Variants in SLC28A1 observed in about 807,000 individuals in gnomAD.
The protein encoded by SLC28A1 is solute carrier family 28 member 1, also known as sodium/nucleoside cotransporter 1.
SLC28A1 carries 64 observed loss-of-function variants against 74.8 expected under a neutral mutation model. That is an observed-to-expected ratio of 0.86 (90% confidence interval 0.70 to 1.05). The LOEUF (loss-of-function observed/expected upper bound fraction) is 1.05. Ranked by LOEUF, SLC28A1 falls within the 50% of genes least tolerant of loss-of-function variation. The pLI is 0.00. For synonymous variants in SLC28A1, 359 were observed against 335.0 expected (o/e 1.07, Z -0.78); for missense variants, 828 against 822.8 (o/e 1.01, Z -0.08).
downstream of SLC28A1, among the ~76,000 whole-genome samples, chr15:84,948,926 C>T (rs1355726641): frequency 6.6e-6 from 1 of 152,154 alleles, no homozygotes; most frequent in African/African-American, 2.4e-5. Flanking sequence ...CCAGTTTTGC[C>T]ATTCTGGGCC....
chr15:84,905,734 G>T, intron 8 of SLC28A1, 82 bp downstream of exon 8: 3 of 1,052,136 alleles, frequency 2.9e-6, no homozygotes, highest in Non-Finnish European at 4.4e-6. Flanking sequence ...GGGAAAAGTG[G>T]GTGGTGAGGC....
Position 84,912,804 on chromosome 15 carries a change from G to A in SLC28A1, c.795+4009G>A, listed in dbSNP as rs1352243162. Among the ~76,000 whole-genome samples the A allele has an allele frequency of 1.0e-4, 6 of 58,706 alleles. 1 individual carries two copies. Among genetic ancestry groups the A allele is most frequent in the African/African-American group, 3.0e-4 (6 of 19,790 alleles). The allele number at this position is 58,706 out of a possible 152,430, so 38.5% of individuals were successfully genotyped here. A position where few individuals can be genotyped will look rare whatever the true frequency, so the allele number is the denominator to read the frequency against. ...GTCAACAGTGCCAAATTTTGCGCGC[G>A]CGCACACACACACACACACACACAC... is the stretch of plus-strand genomic sequence containing the variant. On this transcript the variant is annotated intron_variant, in intron 9 of 18. Transcript: ENST00000394573.
chr15:84,899,667 G>A (rs913188170), intron 6 of SLC28A1, among the ~76,000 whole-genome samples: 4 of 152,130 alleles, frequency 2.6e-5, no homozygotes, highest in Non-Finnish European at 4.4e-5. Flanking sequence ...CAAAAAAGAA[G>A]AGGAAATAAG....
intron 3 of SLC28A1, among the ~76,000 whole-genome samples, chr15:84,888,223 C>CAAGG (rs1221316937): frequency 6.6e-6 from 1 of 152,140 alleles, no homozygotes; most frequent in Admixed American, 6.5e-5. Flanking sequence ...TCTCAGCCTT[C>CAAGG]AAGGAGCCTT....
At chr15:84,915,778 A>T (rs1968995141) in intron 9 of SLC28A1, among the ~76,000 whole-genome samples, 1 of 152,092 alleles carries the variant, frequency 6.6e-6, no homozygotes, top group African/African-American at 2.4e-5. Context: ...GCCGTCCTCC[A>T]GCCCTTGGCT....
chr15:84,966,661 G>A, the SLC28A1 span, among the ~76,000 whole-genome samples: 1 of 152,212 alleles, frequency 6.6e-6, no homozygotes, highest in Non-Finnish European at 1.5e-5. Context: ...ATGGCAGAAG[G>A]TGAAAGGCAC....
intron 6 of SLC28A1, among the ~76,000 whole-genome samples, chr15:84,898,906 G>C (rs1385167600): frequency 6.6e-6 from 1 of 152,194 alleles, no homozygotes; most frequent in South Asian, 2.1e-4. Context: ...ATGGCAGGCA[G>C]GGTTCACGTT....
chr15:84,951,452 A>AG, the SLC28A1 span, among the ~76,000 whole-genome samples: 59,581 of 150,168 alleles, frequency 0.4, 13,783 homozygotes, highest in Middle Eastern at 0.55. Flanking sequence ...AAAAAAAAAA[A>AG]AGAAGGAGTC....
the SLC28A1 span, among the ~76,000 whole-genome samples, chr15:84,959,477 T>C: frequency 2.1e-5 from 3 of 145,148 alleles, no homozygotes; most frequent in South Asian, 4.3e-4. Context: ...CTGAAACTCC[T>C]TTTTTTTTTG....
In SLC28A1 at chr15:84,945,692, C is replaced by T. The variant is rs76057486; in HGVS notation, c.*492C>T. On this transcript the variant is annotated 3_prime_UTR_variant, in exon 19 of 19. Transcript: ENST00000394573. ...TCCCGCCTTTCCTCAGAGTGCTTCC[C>T]AAACTGAGGTCCCATGGCACACTGT... The T allele has an allele frequency of 6.8e-3, 1,561 of 228,308 alleles. 23 individuals are homozygous for T. Among genetic ancestry groups the T allele is most frequent in the African/African-American group, 0.033 (1,464 of 44,582 alleles). 14.1% of individuals were successfully genotyped at this position (228,308 alleles called of 1,614,324 possible).
intron 12 of SLC28A1, 64 bp from the exon 13 acceptor site, chr15:84,933,081 C>T: frequency 3.1e-6 from 5 of 1,593,118 alleles, no homozygotes; most frequent in South Asian, 1.1e-5. Flanking sequence ...CCCTGGGCCG[C>T]ACTCCTTGGT....
At chr15:84,888,887 C>T (rs1319592147) in intron 4 of SLC28A1, 27 bp downstream of exon 4, 12 of 1,512,222 alleles carry the variant, frequency 7.9e-6, no homozygotes, top group Admixed American at 5.9e-5. Context: ...GAGACAAGGG[C>T]GGGCCTGGGG....
At chr15:84,925,207 C>T (rs924053537) in intron 12 of SLC28A1, among the ~76,000 whole-genome samples, 8 of 151,446 alleles carry the variant, frequency 5.3e-5, no homozygotes, top group Admixed American at 3.3e-4. Context: ...GCATGAGCCA[C>T]GGTGCCTGGC....
rs776036140 is a variant in SLC28A1 at position 84,935,456 on chromosome 15, T to A, written c.1519T>A (p.Tyr507Asn). 12 of 1,614,162 alleles carry A rather than the reference T, an allele frequency of 7.4e-6. No homozygotes were observed. In the South Asian group the frequency reaches 1.1e-4, roughly 15 times the overall value. Residue 507 changes from tyrosine (Y) to asparagine (N), a missense_variant, in exon 15 of 19, where the codon TAC becomes AAC. Coordinates refer to ENST00000394573, the MANE Select transcript of SLC28A1 (RefSeq NM_004213.5). ...TGTGGCCTATCAAGACCTCTCCAAG[T>A]ACAAGCAACGCCGCCTGGCAGGGGC... ...EFVAYQDLSK[Y>N]KQRRLAGAEE...
intron 6 of SLC28A1, among the ~76,000 whole-genome samples, chr15:84,898,965 T>C (rs1048412408): frequency 6.6e-6 from 1 of 151,806 alleles, no homozygotes; most frequent in East Asian, 1.9e-4. Context: ...AGCCCAGAGG[T>C]ATGCAGAGAA....
chr15:84,958,780 T>C, the SLC28A1 span, among the ~76,000 whole-genome samples: 1 of 151,908 alleles, frequency 6.6e-6, no homozygotes, highest in Non-Finnish European at 1.5e-5. Context: ...GGTCTCAAAA[T>C]TTTTTTTATT....
chr15:84,901,325 G>A (rs1391345931), intron 6 of SLC28A1, among the ~76,000 whole-genome samples: 2 of 152,086 alleles, frequency 1.3e-5, no homozygotes, highest in Admixed American at 6.5e-5. Context: ...TGGCCAATAT[G>A]GTGAAACCCC....
At chr15:84,937,114 C>T (rs539206572) in intron 15 of SLC28A1, among the ~76,000 whole-genome samples, 3 of 149,736 alleles carry the variant, frequency 2.0e-5, no homozygotes, top group South Asian at 2.1e-4. Flanking sequence ...GCAGCCAAAC[C>T]GTGCTGTAGC....
At chr15:84,930,287 A>C (rs1026447996) in intron 12 of SLC28A1, among the ~76,000 whole-genome samples, 3 of 152,184 alleles carry the variant, frequency 2.0e-5, no homozygotes, top group Non-Finnish European at 4.4e-5. Context: ...ACTGAGGAGG[A>C]AGCAGGGGAA....
Sources: gnomAD v4.1 joint callset for allele counts (sites outside exome capture counted in the v4.1 genomes callset) on GRCh38, gnomAD v4.1.1 for gene constraint, MANE v1.5 for transcripts, NCBI Gene and HGNC (gene_info 2026-07-23, HGNC 2026-07-21) for gene names.